Variants in USP6NL observed in about 807,000 individuals in gnomAD.
USP6NL encodes the protein USP6 N-terminal like, also known as USP6 N-terminal-like protein.
Under a neutral mutation model 61.9 loss-of-function variants are expected in USP6NL, and 26 were observed. The observed-to-expected ratio is 0.42, with a 90% CI of 0.31 to 0.58. The LOEUF is 0.58. USP6NL is among the 20% of genes least tolerant of loss of function. The pLI, the probability that USP6NL is intolerant of heterozygous loss-of-function variation, is 0.16. For synonymous variants in USP6NL, 432 were observed against 390.1 expected (o/e 1.11, Z -1.27); for missense variants, 1,114 against 1,034.3 (o/e 1.08, Z -1.06).
In USP6NL at chr10:11,496,448, C is replaced by G. The variant is rs972811568; in HGVS notation, c.385-3220G>C. ...CTGTCTGCATTCTCATTTTCCAAAA[C>G]TGGTAGCTGTTAAGCATCTCCCATT... On this transcript the variant is annotated intron_variant, in intron 7 of 14. Transcript: ENST00000609104. The surrounding 1 kb of genome is among the most constrained non-coding windows in gnomAD (Gnocchi z 5.4). 1.2e-4 allele frequency among the ~76,000 whole-genome samples: 18 copies of G among 152,212 alleles called. No individual in the cohort carries two copies. The highest frequency in any genetic ancestry group is 9.8e-4 in the Admixed American group (15 of 15,276).
intron 14 of USP6NL, among the ~76,000 whole-genome samples, chr10:11,466,968 G>A (rs1409677481): frequency 6.6e-6 from 1 of 152,206 alleles, no homozygotes; most frequent in Non-Finnish European, 1.5e-5. Flanking sequence ...GCTCATGAGG[G>A]TAGCTGTTTT....
chr10:11,601,836 T>A (rs1050944838), intron 1 of USP6NL, among the ~76,000 whole-genome samples: 1 of 152,142 alleles, frequency 6.6e-6, no homozygotes, highest in East Asian at 1.9e-4. Context: ...CCAAGAGTTG[T>A]ATCATTTGTG....
At chr10:11,605,423 G>GA (rs1404077116) in intron 1 of USP6NL, among the ~76,000 whole-genome samples, 3 of 151,976 alleles carry the variant, frequency 2.0e-5, no homozygotes, top group Non-Finnish European at 2.9e-5. Flanking sequence ...CAAAAGCAAT[G>GA]AAAAAAATCC....
rs1836982316 is a variant in USP6NL, at chr10:11,562,497, C to T, written c.5-34930G>A. 3 of 985,328 alleles carry T rather than the reference C, an allele frequency of 3.0e-6. No homozygotes were observed. The highest frequency in any genetic ancestry group is 4.7e-5 in the South Asian group (1 of 21,280). 61.0% of individuals were successfully genotyped at this position (985,328 alleles called of 1,614,324 possible). A position where few individuals can be genotyped will look rare whatever the true frequency, so the allele number is the denominator to read the frequency against. ...AGGATTAAGTGTGGCTGAGGAGAAA[C>T]GTGAAAAGAGCCGGGTCACTCAAGA... On this transcript the variant is annotated intron_variant, in intron 2 of 14. Coordinates refer to ENST00000609104, the MANE Select transcript of USP6NL (RefSeq NM_014688.5). The surrounding 1 kb of genome is among the most constrained non-coding windows in gnomAD (Gnocchi z 4.8).
intron 2 of USP6NL, among the ~76,000 whole-genome samples, chr10:11,549,726 A>G (rs116329719): frequency 7.4e-4 from 113 of 152,328 alleles, no homozygotes; most frequent in African/African-American, 2.4e-3. Context: ...AGTAAATCAC[A>G]TATCACTAAC....
Position 11,470,984 on chromosome 10 carries a change from G to A in USP6NL, c.1079-7135C>T, listed in dbSNP as rs1424654206. Reference sequence around the variant, plus strand: ...GCGGATCACGAGGTCAGGAGATGGAGACCATCCCGGCCAACATGGTGAAAC... The same window carrying A: ...GCGGATCACGAGGTCAGGAGATGGAAACCATCCCGGCCAACATGGTGAAAC... On this transcript the variant is annotated intron_variant, in intron 14 of 14. Transcript: ENST00000609104. This position sits in a 1 kb window ranked among gnomAD's most constrained non-coding sequence, Gnocchi z 5.4. Among the ~76,000 whole-genome samples the A allele has an allele frequency of 6.6e-6, 1 of 152,168 alleles. No homozygotes were observed. The highest frequency in any genetic ancestry group is 1.9e-4 in the East Asian group (1 of 5,176).
chr10:11,474,329 T>C lies in USP6NL; in HGVS notation c.1078+7441A>G, dbSNP rs1182213638. On this transcript the variant is annotated intron_variant, in intron 14 of 14. Coordinates refer to ENST00000609104, the MANE Select transcript of USP6NL (RefSeq NM_014688.5). The surrounding 1 kb of genome is among the most constrained non-coding windows in gnomAD (Gnocchi z 4.9). ...TTAGATTTTAAACTTATAAAGAGTATACTGAAACAAAAGACTTAAGGTTCA... is the reference window on the plus strand; with the variant it reads ...TTAGATTTTAAACTTATAAAGAGTACACTGAAACAAAAGACTTAAGGTTCA... Among the ~76,000 whole-genome samples the C allele has an allele frequency of 1.3e-5, 2 of 152,230 alleles. No homozygotes were observed. Among genetic ancestry groups the C allele is most frequent in the African/African-American group, 2.4e-5 (1 of 41,448 alleles).
intron 2 of USP6NL, among the ~76,000 whole-genome samples, chr10:11,530,294 A>C (rs2133415581): frequency 6.6e-6 from 1 of 152,292 alleles, no homozygotes; most frequent in African/African-American, 2.4e-5. Context: ...CCTAGGCATC[A>C]CAAGTATACT....
At chr10:11,500,956 CAAAT>C (rs1411146403) in intron 7 of USP6NL, 141 bp downstream of exon 7, 12 of 573,262 alleles carry the variant, frequency 2.1e-5, no homozygotes, top group East Asian at 9.3e-5. Context: ...ATCAAGAAAA[CAAAT>C]AGACCTCCAA....
chr10:11,529,955 G>T (rs1835580584), intron 2 of USP6NL, among the ~76,000 whole-genome samples: 1 of 151,960 alleles, frequency 6.6e-6, no homozygotes, highest in Non-Finnish European at 1.5e-5. Context: ...ACAAAAATTA[G>T]CTGGGCATAG....
chr10:11,505,048 G>C (rs566205789), intron 6 of USP6NL, among the ~76,000 whole-genome samples: 2 of 152,316 alleles, frequency 1.3e-5, no homozygotes, highest in East Asian at 3.9e-4. Flanking sequence ...CCATGCATCT[G>C]CTGTGATGGT....
Position 11,462,478 on chromosome 10 carries a change from C to T in USP6NL, c.2450G>A (p.Arg817Gln). Residue 817 changes from arginine (R) to glutamine (Q), a missense_variant, in exon 15 of 15, where the codon CGG becomes CAG. Coordinates refer to ENST00000609104, the MANE Select transcript of USP6NL (RefSeq NM_014688.5). ...TGACTCTTGGATGGAAAGCCCGTCC[C>T]GATTCCTGTAGTGGTAGGCTGGAGG... ...PPPPAYHYRNRDGLSIQESVL... is the reference protein window; with the variant it reads ...PPPPAYHYRNQDGLSIQESVL... 1.9e-6 allele frequency: 3 copies of T among 1,613,928 alleles called. No individual in the cohort carries two copies. Among genetic ancestry groups the T allele is most frequent in the South Asian group, 1.1e-5 (1 of 91,066 alleles).
chr10:11,605,665 T>G (rs1344852254), intron 1 of USP6NL, among the ~76,000 whole-genome samples: 3 of 152,052 alleles, frequency 2.0e-5, no homozygotes, highest in Non-Finnish European at 4.4e-5. Flanking sequence ...GCAAAGCATA[T>G]CTGAAAAATA....
chr10:11,480,209 T>C (rs931400394), intron 14 of USP6NL, among the ~76,000 whole-genome samples: 1 of 152,216 alleles, frequency 6.6e-6, no homozygotes, highest in African/African-American at 2.4e-5. Context: ...TGAGCACTTT[T>C]ATGAGTTATT....
intron 2 of USP6NL, among the ~76,000 whole-genome samples, chr10:11,530,100 TCAAAAA>T (rs1405481242): frequency 1.8e-5 from 1 of 56,732 alleles, no homozygotes; most frequent in Admixed American, 2.6e-4. Flanking sequence ...AGACCCTGTC[TCAAAAA>T]AAAAAAAAAA....
At chr10:11,544,244 G>A (rs938804626) in intron 2 of USP6NL, among the ~76,000 whole-genome samples, 4 of 151,868 alleles carry the variant, frequency 2.6e-5, no homozygotes, top group Non-Finnish European at 5.9e-5. Context: ...TAAACTCTAT[G>A]AAGAAGTCAC....
At position 11,599,142 on chromosome 10, in the gene USP6NL, G is replaced by A. The variant is rs987143292; in HGVS notation, c.-83-1425C>T. On this transcript the variant is annotated intron_variant, in intron 1 of 14. Coordinates refer to ENST00000609104, the MANE Select transcript of USP6NL (RefSeq NM_014688.5). Reference sequence around the variant, plus strand: ...GGTGCTTAACTGACTATTTAGATTTGTTTTCCTGCCTAGGAAACTCTGAGG... The same window carrying A: ...GGTGCTTAACTGACTATTTAGATTTATTTTCCTGCCTAGGAAACTCTGAGG... Among the ~76,000 whole-genome samples the A allele has an allele frequency of 2.0e-5, 3 of 152,158 alleles. No homozygotes were observed. The East Asian group carries it at 5.8e-4, about 29-fold the overall frequency.
At chr10:11,603,730 A>C (rs1465308858) in intron 1 of USP6NL, among the ~76,000 whole-genome samples, 1 of 152,244 alleles carries the variant, frequency 6.6e-6, no homozygotes, top group Non-Finnish European at 1.5e-5. Flanking sequence ...AAAACAATCA[A>C]GACAAGCTTG....
In USP6NL at chr10:11,499,734, GC is replaced by G. The variant is rs1270933304; in HGVS notation, c.384+1366del. Among the ~76,000 whole-genome samples the G allele has an allele frequency of 6.6e-6, 1 of 152,212 alleles. No homozygotes were observed. Among genetic ancestry groups the G allele is most frequent in the East Asian group, 1.9e-4 (1 of 5,200 alleles). On this transcript the variant is annotated intron_variant, in intron 7 of 14. Coordinates refer to ENST00000609104, the MANE Select transcript of USP6NL (RefSeq NM_014688.5). This position sits in a 1 kb window ranked among gnomAD's most constrained non-coding sequence, Gnocchi z 4.5. ...GAGGCCAGGAAGATGCCTCCCTAGAGCCCTGAGAGAAAGTGTTGTCCTGCTG... is the reference window on the plus strand; with the variant it reads ...GAGGCCAGGAAGATGCCTCCCTAGAGCCTGAGAGAAAGTGTTGTCCTGCTG...
Sources: allele counts gnomAD v4.1 joint callset (sites outside exome capture counted in the v4.1 genomes callset), GRCh38; gene constraint gnomAD v4.1.1; non-coding constraint Gnocchi (gnomAD v3.1); transcripts MANE v1.5; gene names NCBI Gene and HGNC (gene_info 2026-07-23, HGNC 2026-07-21).